The following TSPAN9 variants were observed in gnomAD, a reference collection of about 807,000 sequenced individuals.
TSPAN9 encodes tetraspanin-9.
A neutral mutation model predicts 31.0 loss-of-function variants in TSPAN9; 16 were observed. That is an observed-to-expected ratio of 0.52 (90% confidence interval 0.35 to 0.78). The LOEUF (loss-of-function observed/expected upper bound fraction) is 0.78. Among genes scored for constraint, TSPAN9 ranks in the 30% least tolerant of loss-of-function variants. TSPAN9 has a pLI of 0.01. For missense variants in TSPAN9, 272 were observed against 312.5 expected (o/e 0.87, Z 0.98); for synonymous variants, 145 against 121.6 (o/e 1.19, Z -1.27).
chr12:3,193,027 T>TA (rs2098365247), intron 2 of TSPAN9, among the ~76,000 whole-genome samples: 1 of 152,068 alleles, frequency 6.6e-6, no homozygotes, highest in Non-Finnish European at 1.5e-5. Flanking sequence ...CTGGGGAAGG[T>TA]GCATATTATT....
chr12:3,097,780 T>C (rs1422588587), intron 2 of TSPAN9, among the ~76,000 whole-genome samples: 1 of 152,242 alleles, frequency 6.6e-6, no homozygotes, highest in African/African-American at 2.4e-5. Context: ...CCTCTCTGAA[T>C]GTCTCTTTCA....
intron 3 of TSPAN9, among the ~76,000 whole-genome samples, chr12:3,202,684 G>GC (rs1224534970): frequency 6.6e-6 from 1 of 152,088 alleles, no homozygotes; most frequent in Non-Finnish European, 1.5e-5. Flanking sequence ...GGGGAGAGAA[G>GC]CCCCCCTCCC....
Position 3,156,756 on chromosome 12 carries a change from C to T in TSPAN9, c.-17-44421C>T, listed in dbSNP as rs575173660. ...CTGCTGACCTCAAGTGATCTGCCCT[C>T]CTCAGCCTCCCAAAGTGCTGGGATT... On this transcript the variant is annotated intron_variant, in intron 2 of 8. Coordinates refer to ENST00000011898, the MANE Select transcript of TSPAN9 (RefSeq NM_006675.5). 2.6e-5 allele frequency among the ~76,000 whole-genome samples: 4 copies of T among 152,272 alleles called. No individual in the cohort carries two copies. The South Asian group carries it at 8.3e-4, about 32-fold the overall frequency.
In TSPAN9 at chr12:3,168,052, C is replaced by T. The variant is rs2098349518; in HGVS notation, c.-17-33125C>T. ...GATAAAAGCATGTCCTGGGGTCCAGCGGACAAGCAGCAGCAGGAGATACCC... is the reference window on the plus strand; with the variant it reads ...GATAAAAGCATGTCCTGGGGTCCAGTGGACAAGCAGCAGCAGGAGATACCC... On this transcript the variant is annotated intron_variant, in intron 2 of 8. Transcript: ENST00000011898. The surrounding 1 kb of genome is among the most constrained non-coding windows in gnomAD (Gnocchi z 4.0). Among the ~76,000 whole-genome samples, 1 of 152,110 alleles carries T rather than the reference C, an allele frequency of 6.6e-6. No homozygotes were observed. Among genetic ancestry groups the T allele is most frequent in the African/African-American group, 2.4e-5 (1 of 41,398 alleles).
intron 2 of TSPAN9, among the ~76,000 whole-genome samples, chr12:3,186,131 G>T (rs1397369283): frequency 6.6e-6 from 1 of 152,162 alleles, no homozygotes; most frequent in Admixed American, 6.5e-5. Context: ...CTGGGCAGGC[G>T]CTAACTACAG....
chr12:3,130,478 G>A (rs1001214), intron 2 of TSPAN9, among the ~76,000 whole-genome samples: 4,322 of 152,204 alleles, frequency 0.028, 200 homozygotes, highest in African/African-American at 0.099. Flanking sequence ...CAGGTGTGAC[G>A]GACAGCAGAG....
At chr12:3,237,338 G>A (rs1329454118) in intron 3 of TSPAN9, among the ~76,000 whole-genome samples, 1 of 152,132 alleles carries the variant, frequency 6.6e-6, no homozygotes. Flanking sequence ...AGACAGGCTG[G>A]TGCCCACCTA....
At chr12:3,167,700 T>C (rs1449237836) in intron 2 of TSPAN9, among the ~76,000 whole-genome samples, 1 of 152,206 alleles carries the variant, frequency 6.6e-6, no homozygotes, top group African/African-American at 2.4e-5. Context: ...CTAAGTGCTG[T>C]GAGCATGGTC....
At chr12:3,239,917 G>A (rs373320799) in intron 3 of TSPAN9, among the ~76,000 whole-genome samples, 1 of 152,114 alleles carries the variant, frequency 6.6e-6, no homozygotes, top group Admixed American at 6.6e-5. Flanking sequence ...TATAGGGGGG[G>A]GACGAGGGAG....
At chr12:3,277,387 G>A (rs770020166) in intron 3 of TSPAN9, among the ~76,000 whole-genome samples, 3 of 152,180 alleles carry the variant, frequency 2.0e-5, no homozygotes, top group East Asian at 1.9e-4. Flanking sequence ...CGCCCGTAGC[G>A]TTGACTGGGC....
intron 2 of TSPAN9, among the ~76,000 whole-genome samples, chr12:3,161,907 T>C (rs1322344122): frequency 6.6e-6 from 1 of 152,122 alleles, no homozygotes; most frequent in African/African-American, 2.4e-5. Context: ...CCTTGAATGC[T>C]GGGGCTCAAG....
At chr12:3,121,533 CTTTTTTTTTTTTTT>C (rs59376087) in intron 2 of TSPAN9, among the ~76,000 whole-genome samples, 1 of 92,926 alleles carries the variant, frequency 1.1e-5, no homozygotes, top group Non-Finnish European at 2.0e-5. Context: ...CTAATTAAAA[CTTTTTTTTTTTTTT>C]TTTTTTTTTT....
intron 3 of TSPAN9, among the ~76,000 whole-genome samples, chr12:3,268,804 G>C (rs1218946995): frequency 1.6e-5 from 1 of 62,266 alleles, no homozygotes; most frequent in African/African-American, 4.6e-5. Flanking sequence ...TGCCCTCTCT[G>C]TGTTCCTGCA....
At chr12:3,090,551 T>C (rs879194364) in intron 2 of TSPAN9, among the ~76,000 whole-genome samples, 1 of 152,260 alleles carries the variant, frequency 6.6e-6, no homozygotes, top group Admixed American at 6.5e-5. Context: ...CTACAAGACC[T>C]CTTAATATCT....
chr12:3,199,584 G>A (rs539150858), intron 2 of TSPAN9, among the ~76,000 whole-genome samples: 69 of 152,282 alleles, frequency 4.5e-4, no homozygotes, highest in African/African-American at 1.6e-3. Context: ...GGCGGGGTGA[G>A]GAAAGGCAAG....
At chr12:3,095,610 C>T (rs1362288939) in intron 2 of TSPAN9, among the ~76,000 whole-genome samples, 1 of 105,842 alleles carries the variant, frequency 9.4e-6, no homozygotes, top group Non-Finnish European at 1.9e-5. Context: ...CCAGACGGGG[C>T]GGCTGGCCGG....
At chr12:3,215,382 A>T (rs1017332295) in intron 3 of TSPAN9, 1 of 152,152 alleles carries the variant, frequency 6.6e-6, no homozygotes, top group Admixed American at 6.5e-5. Flanking sequence ...ATCTTAATCA[A>T]ACTTGCCTGG....
intron 2 of TSPAN9, among the ~76,000 whole-genome samples, chr12:3,152,515 A>AG (rs2098340317): frequency 6.6e-6 from 1 of 152,246 alleles, no homozygotes; most frequent in African/African-American, 2.4e-5. Flanking sequence ...GAATGAGGGA[A>AG]GGACAGTCTT....
intron 3 of TSPAN9, among the ~76,000 whole-genome samples, chr12:3,254,475 T>A (rs1862309007): frequency 6.6e-6 from 1 of 152,190 alleles, no homozygotes; most frequent in Non-Finnish European, 1.5e-5. Flanking sequence ...ACACCAACCT[T>A]GTGCCCGATC....
Sources: gnomAD v4.1 joint callset for allele counts (sites outside exome capture counted in the v4.1 genomes callset) on GRCh38, gnomAD v4.1.1 for gene constraint, Gnocchi (gnomAD v3.1) non-coding constraint, MANE v1.5 for transcripts, NCBI Gene and HGNC (gene_info 2026-07-23, HGNC 2026-07-21) for gene names.